EHBP1: variants seen among roughly 807,000 people sequenced by gnomAD.
EHBP1 encodes the protein EH domain-binding protein 1.
In EHBP1, 55 loss-of-function variants were observed where a neutral mutation model predicts 144.0. That is an observed-to-expected ratio of 0.38 (90% CI 0.31 to 0.48). The LOEUF (loss-of-function observed/expected upper bound fraction) is 0.48, where lower values mean the gene tolerates loss of function less well. Ranked by LOEUF, EHBP1 falls within the 20% of genes least tolerant of loss-of-function variation. The pLI, the probability that EHBP1 is intolerant of heterozygous loss-of-function variation, is 0.98. For missense variants in EHBP1, 1,200 were observed against 1,364.2 expected (o/e 0.88, Z 1.90); for synonymous variants, 469 against 472.7 (o/e 0.99, Z 0.10).
chr2:63,011,450 T>A lies in EHBP1; in HGVS notation c.3103+14684T>A, dbSNP rs2060264463. Among the ~76,000 whole-genome samples the A allele has an allele frequency of 3.3e-5, 5 of 152,032 alleles. No homozygotes were observed. In the South Asian group the frequency reaches 1.0e-3, roughly 32 times the overall value. On this transcript the variant is annotated intron_variant, in intron 19 of 22. Transcript: ENST00000431489. The stretch of plus-strand genomic sequence containing the variant: ...CTTATAATACTTTAACTCCACTTAG[T>A]TTTTTTGGACTTTGACAGTATTATA...
chr2:62,871,751 C>T (rs1257744676), intron 9 of EHBP1, among the ~76,000 whole-genome samples: 1 of 152,226 alleles, frequency 6.6e-6, no homozygotes, highest in African/African-American at 2.4e-5. Flanking sequence ...GTGGAACTAC[C>T]TTTAGTGCCC....
intron 3 of EHBP1, among the ~76,000 whole-genome samples, chr2:62,749,642 C>T (rs1398774240): frequency 3.9e-5 from 6 of 152,218 alleles, no homozygotes; most frequent in Non-Finnish European, 8.8e-5. Context: ...TCCTCTCCAG[C>T]ACCTGTTTCC....
At chr2:62,924,394 C>T (rs1418398664) in intron 10 of EHBP1, among the ~76,000 whole-genome samples, 1 of 151,942 alleles carries the variant, frequency 6.6e-6, no homozygotes, top group African/African-American at 2.4e-5. Context: ...GAAATTGAGA[C>T]TGAAAAAATA....
chr2:63,043,920 CTTTTTTTTTTTTT>C (rs70962802), intron 21 of EHBP1: 1 of 9,404 alleles, frequency 1.1e-4, no homozygotes, highest in African/African-American at 4.2e-4. Flanking sequence ...GGCCATGGTT[CTTTTTTTTTTTTT>C]TTTTTTTTTT....
chr2:62,913,894 A>T (rs976105107), intron 10 of EHBP1, among the ~76,000 whole-genome samples: 1 of 152,158 alleles, frequency 6.6e-6, no homozygotes, highest in African/African-American at 2.4e-5. Flanking sequence ...TTCCTGGGTA[A>T]ATGAATTCAA....
At chr2:62,965,471 G>A (rs907030527) in intron 14 of EHBP1, among the ~76,000 whole-genome samples, 1 of 152,082 alleles carries the variant, frequency 6.6e-6, no homozygotes, top group African/African-American at 2.4e-5. Context: ...TTTCCTTTTT[G>A]TCACAAAGTA....
chr2:62,752,953 C>A (rs2039895301), intron 3 of EHBP1, among the ~76,000 whole-genome samples: 1 of 152,244 alleles, frequency 6.6e-6, no homozygotes, highest in Admixed American at 6.5e-5. Flanking sequence ...GACTCTTTAT[C>A]CAAATTGCCA....
intron 14 of EHBP1, among the ~76,000 whole-genome samples, chr2:62,972,747 A>T (rs183394143): frequency 3.3e-4 from 51 of 152,334 alleles, no homozygotes; most frequent in Admixed American, 2.1e-3. Context: ...AGGCAATCTG[A>T]TAGGGAACTA....
intron 9 of EHBP1, among the ~76,000 whole-genome samples, chr2:62,873,228 A>G (rs1351335132): frequency 2.0e-5 from 3 of 152,174 alleles, no homozygotes; most frequent in Non-Finnish European, 4.4e-5. Context: ...ACATGCAAGA[A>G]CTTCAAATAC....
chr2:62,916,593 A>C (rs914997891), intron 10 of EHBP1, among the ~76,000 whole-genome samples: 1 of 142,198 alleles, frequency 7.0e-6, no homozygotes. Flanking sequence ...ACTCTGTCTC[A>C]AAAAAAAAAA....
intron 5 of EHBP1, among the ~76,000 whole-genome samples, chr2:62,794,156 G>A (rs2043368347): frequency 6.6e-6 from 1 of 151,964 alleles, no homozygotes; most frequent in South Asian, 2.1e-4. Flanking sequence ...ATAATCCACA[G>A]CATTTTCCCC....
intron 7 of EHBP1, among the ~76,000 whole-genome samples, chr2:62,835,479 G>T (rs540078630): frequency 6.6e-6 from 1 of 152,134 alleles, no homozygotes; most frequent in Non-Finnish European, 1.5e-5. Flanking sequence ...AAAATAAAGC[G>T]GGGGAGGAGC....
chr2:62,729,235 A>T (rs1240521858), intron 2 of EHBP1, among the ~76,000 whole-genome samples: 3 of 141,660 alleles, frequency 2.1e-5, no homozygotes, highest in South Asian at 2.1e-4. Flanking sequence ...TATCTTTGTG[A>T]TACACTATAG....
chr2:62,738,416 C>G (rs1376378654), intron 2 of EHBP1, among the ~76,000 whole-genome samples: 3 of 152,078 alleles, frequency 2.0e-5, no homozygotes, highest in African/African-American at 7.2e-5. Flanking sequence ...CCGCACCTTC[C>G]CTTATGACCC....
chr2:62,679,164 C>A (rs1379154487), intron 1 of EHBP1, among the ~76,000 whole-genome samples: 1 of 152,118 alleles, frequency 6.6e-6, no homozygotes, highest in Non-Finnish European at 1.5e-5. Flanking sequence ...TTTGACCTCC[C>A]ACAACAATTT....
chr2:62,801,289 G>A (rs112956613), intron 5 of EHBP1, among the ~76,000 whole-genome samples: 16 of 152,314 alleles, frequency 1.1e-4, no homozygotes, highest in African/African-American at 3.1e-4. Flanking sequence ...GAGTATAGCC[G>A]TCTGATACAG....
At chr2:62,765,539 A>G (rs542757284) in intron 4 of EHBP1, among the ~76,000 whole-genome samples, 1 of 152,272 alleles carries the variant, frequency 6.6e-6, no homozygotes, top group Non-Finnish European at 1.5e-5. Flanking sequence ...TAAAAGTCAG[A>G]CAGACCTGGA....
intron 10 of EHBP1, among the ~76,000 whole-genome samples, chr2:62,907,612 A>T (rs1480147387): frequency 6.6e-6 from 1 of 152,204 alleles, no homozygotes; most frequent in Non-Finnish European, 1.5e-5. Context: ...TTACAAGGAC[A>T]CTAATCCATT....
chr2:62,826,528 T>A, intron 6 of EHBP1: 2 of 273,240 alleles, frequency 7.3e-6, no homozygotes, highest in Non-Finnish European at 1.4e-5. Context: ...TATAAGTGTT[T>A]TATATTTCAG....
Sources: gnomAD v4.1 joint callset for allele counts (sites outside exome capture counted in the v4.1 genomes callset) on GRCh38, gnomAD v4.1.1 for gene constraint, MANE v1.5 for transcripts, NCBI Gene and HGNC (gene_info 2026-07-23, HGNC 2026-07-21) for gene names.